OLFM3: variants seen among roughly 807,000 people sequenced by gnomAD.
OLFM3 encodes the protein olfactomedin 3, also known as noelin-3.
Under a neutral mutation model 48.6 loss-of-function variants are expected in OLFM3, and 20 were observed. The ratio of observed to expected loss-of-function variants is 0.41; its 90% CI spans 0.29 to 0.60. OLFM3 has a LOEUF of 0.60. Ranked by LOEUF, OLFM3 falls within the 20% of genes least tolerant of loss-of-function variation. OLFM3 has a pLI of 0.28. For synonymous variants in OLFM3, 222 were observed against 198.1 expected (o/e 1.12, Z -1.01); for missense variants, 437 against 544.3 (o/e 0.80, Z 1.96).
intron 1 of OLFM3, among the ~76,000 whole-genome samples, chr1:101,853,740 A>G (rs1193216508): frequency 2.0e-5 from 3 of 152,118 alleles, no homozygotes; most frequent in East Asian, 1.9e-4. Context: ...AGTACAATGT[A>G]TTCCAGTATT....
intron 1 of OLFM3, among the ~76,000 whole-genome samples, chr1:101,908,047 A>G (rs10782858): frequency 0.42 from 63,949 of 152,106 alleles, 13,658 homozygotes; most frequent in East Asian, 0.59. Flanking sequence ...ATATGTAGAT[A>G]CAATTCAAAT....
intron 1 of OLFM3, chr1:101,893,562 C>A: frequency 3.7e-6 from 1 of 269,850 alleles, no homozygotes; most frequent in South Asian, 5.4e-5. Flanking sequence ...TGCATTAGAT[C>A]AGAAGGACCA....
At chr1:101,942,458 A>G (rs6666261) in intron 1 of OLFM3, among the ~76,000 whole-genome samples, 61,044 of 152,058 alleles carry the variant, frequency 0.4, 12,542 homozygotes, top group East Asian at 0.51. Context: ...TATAATTCAT[A>G]TATTCATACT....
At chr1:101,993,203 T>C (rs773659211) in intron 1 of OLFM3, among the ~76,000 whole-genome samples, 1 of 152,178 alleles carries the variant, frequency 6.6e-6, no homozygotes, top group Non-Finnish European at 1.5e-5. Context: ...GTCATATTTA[T>C]ATCCTCCTAT....
At chr1:101,832,389 T>A (rs764672950) in intron 2 of OLFM3, among the ~76,000 whole-genome samples, 74 of 152,210 alleles carry the variant, frequency 4.9e-4, no homozygotes, top group Non-Finnish European at 1.0e-3. Context: ...ACTATAATAT[T>A]GGAAAAAGGC....
At chr1:101,916,409 T>G (rs2101033516) in intron 1 of OLFM3, among the ~76,000 whole-genome samples, 1 of 135,094 alleles carries the variant, frequency 7.4e-6, no homozygotes, top group East Asian at 2.4e-4. Flanking sequence ...TCCTTTTTTT[T>G]TAATTTTTAT....
intron 1 of OLFM3, chr1:101,846,860 C>T: frequency 6.2e-7 from 1 of 1,611,988 alleles, no homozygotes; most frequent in South Asian, 1.1e-5. Flanking sequence ...TATCCGGAGT[C>T]GACAGCCTCG....
chr1:101,937,498 G>GT (rs1557737631), intron 1 of OLFM3, among the ~76,000 whole-genome samples: 1 of 152,106 alleles, frequency 6.6e-6, no homozygotes, highest in Admixed American at 6.5e-5. Flanking sequence ...TTCTCGTGCT[G>GT]TACTTATGAC....
At chr1:101,832,085 T>C (rs1655183027) in intron 2 of OLFM3, among the ~76,000 whole-genome samples, 1 of 152,164 alleles carries the variant, frequency 6.6e-6, no homozygotes, top group African/African-American at 2.4e-5. Flanking sequence ...GTATTTTTAT[T>C]AGAGTCGGAG....
chr1:101,832,466 G>A (rs969259020), intron 2 of OLFM3, among the ~76,000 whole-genome samples: 2 of 152,156 alleles, frequency 1.3e-5, no homozygotes, highest in African/African-American at 4.8e-5. Context: ...TCCCTCTGCT[G>A]TCTTGATCCA....
At chr1:101,847,066 A>G (rs962779446) in intron 1 of OLFM3, 1 of 1,454,088 alleles carries the variant, frequency 6.9e-7, no homozygotes, top group Non-Finnish European at 9.2e-7. Flanking sequence ...CCACATCTAC[A>G]GCATGAAAAG....
intron 1 of OLFM3, among the ~76,000 whole-genome samples, chr1:101,899,104 C>T (rs1362362999): frequency 6.6e-6 from 1 of 152,176 alleles, no homozygotes; most frequent in Admixed American, 6.5e-5. Flanking sequence ...AGCTGGGAGG[C>T]TCTACCTCAA....
intron 1 of OLFM3, among the ~76,000 whole-genome samples, chr1:101,886,939 A>G (rs1233193634): frequency 6.6e-6 from 1 of 152,070 alleles, no homozygotes; most frequent in Non-Finnish European, 1.5e-5. Context: ...CTTTCCTCCT[A>G]TGGACTACCC....
chr1:101,826,970 T>C (rs1446671945), intron 3 of OLFM3, among the ~76,000 whole-genome samples: 1 of 152,228 alleles, frequency 6.6e-6, no homozygotes, highest in Non-Finnish European at 1.5e-5. Context: ...TATTTATATT[T>C]TTTAATCTTT....
chr1:101,889,985 G>A (rs996228233), intron 1 of OLFM3, among the ~76,000 whole-genome samples: 1 of 151,944 alleles, frequency 6.6e-6, no homozygotes, highest in African/African-American at 2.4e-5. Context: ...TGACTAAGTT[G>A]AAAATACCCA....
At chr1:101,838,255 C>T (rs995883285) in intron 1 of OLFM3, among the ~76,000 whole-genome samples, 7 of 152,130 alleles carry the variant, frequency 4.6e-5, no homozygotes, top group African/African-American at 1.7e-4. Context: ...GATGGGGTTT[C>T]ACTATGTTGG....
At chr1:101,883,892 C>T (rs1557715527) in intron 1 of OLFM3, among the ~76,000 whole-genome samples, 2 of 151,592 alleles carry the variant, frequency 1.3e-5, no homozygotes, top group East Asian at 1.9e-4. Context: ...GACAAGACAG[C>T]GGGTTCCATC....
chr1:101,828,066 G>GCCTCTCTCTCTCTC (rs1654967736), intron 3 of OLFM3, among the ~76,000 whole-genome samples: 1 of 141,898 alleles, frequency 7.0e-6, no homozygotes, highest in Non-Finnish European at 1.5e-5. Flanking sequence ...CTCTCTCTCT[G>GCCTCTCTCTCTCTC]TCTCTCTCTC....
intron 1 of OLFM3, among the ~76,000 whole-genome samples, chr1:101,944,781 G>A (rs984201431): frequency 3.9e-5 from 6 of 152,006 alleles, no homozygotes; most frequent in African/African-American, 1.5e-4. Context: ...TCAGGAGGCT[G>A]AGGCAGGAGA....
Sources: gnomAD v4.1 joint callset for allele counts (sites outside exome capture counted in the v4.1 genomes callset) on GRCh38, gnomAD v4.1.1 for gene constraint, MANE v1.5 for transcripts, NCBI Gene and HGNC (gene_info 2026-07-23, HGNC 2026-07-21) for gene names.